PCDH15: variants seen among roughly 807,000 people sequenced by gnomAD.
PCDH15 encodes the protein protocadherin-15.
Under a neutral mutation model 178.5 loss-of-function variants are expected in PCDH15, and 129 were observed. That is an observed-to-expected ratio of 0.72 (90% CI 0.63 to 0.84). PCDH15 has a LOEUF of 0.84. PCDH15 is among the 40% of genes least tolerant of loss of function. The pLI, the probability that PCDH15 is intolerant of heterozygous loss-of-function variation, is 0.00. For missense variants in PCDH15, 2,230 were observed against 2,099.9 expected, an observed-to-expected ratio of 1.06 and a Z score of -1.21; for synonymous variants, 800 against 732.0, an observed-to-expected ratio of 1.09 and a Z score of -1.50.
chr10:54,028,309 G>C (rs2093178784), intron 18 of PCDH15, among the ~76,000 whole-genome samples: 1 of 149,644 alleles, frequency 6.7e-6, no homozygotes, highest in Admixed American at 6.7e-5. Flanking sequence ...AGAGGATGTG[G>C]AGAAATAGGA....
At chr10:55,203,379 C>A (rs1282030174) in intron 1 of PCDH15, among the ~76,000 whole-genome samples, 1 of 151,872 alleles carries the variant, frequency 6.6e-6, no homozygotes, top group African/African-American at 2.4e-5. Context: ...TCATATCTTA[C>A]ATATATATTT....
At chr10:54,393,489 G>A (rs975423665) in intron 3 of PCDH15, among the ~76,000 whole-genome samples, 5 of 152,102 alleles carry the variant, frequency 3.3e-5, no homozygotes, top group Admixed American at 1.3e-4. Context: ...ATGGAATATA[G>A]AACACAAGTA....
At chr10:53,922,754 A>G (rs560184044) in intron 25 of PCDH15, among the ~76,000 whole-genome samples, 9 of 152,246 alleles carry the variant, frequency 5.9e-5, no homozygotes, top group African/African-American at 2.2e-4. Context: ...GAACCACTAA[A>G]CTGGTTAAAG....
At chr10:54,000,270 G>A (rs763900318) in intron 20 of PCDH15, among the ~76,000 whole-genome samples, 6 of 152,074 alleles carry the variant, frequency 3.9e-5, no homozygotes, top group Non-Finnish European at 8.8e-5. Flanking sequence ...TAAATGCCCA[G>A]ACACAGACAA....
At chr10:54,796,571 C>T (rs1015217470) in intron 1 of PCDH15, among the ~76,000 whole-genome samples, 3 of 151,850 alleles carry the variant, frequency 2.0e-5, no homozygotes, top group South Asian at 2.1e-4. Context: ...CTGTCTCAAC[C>T]TATCTCCACT....
intron 1 of PCDH15, among the ~76,000 whole-genome samples, chr10:54,740,898 T>C (rs543874541): frequency 2.0e-5 from 3 of 151,804 alleles, no homozygotes; most frequent in East Asian, 1.9e-4. Flanking sequence ...TGAAGAAAGA[T>C]TGGTTAATGG....
At chr10:54,189,261 A>C (rs2048748729) in intron 11 of PCDH15, 1 of 814,882 alleles carries the variant, frequency 1.2e-6, no homozygotes, top group Non-Finnish European at 2.0e-6. Flanking sequence ...ATAAGGGATA[A>C]TGAAGTAATA....
intron 3 of PCDH15, among the ~76,000 whole-genome samples, chr10:54,878,291 C>A (rs1031270119): frequency 2.9e-4 from 44 of 152,138 alleles, no homozygotes; most frequent in African/African-American, 1.1e-3. Context: ...ATCTAGCAAT[C>A]AAGCAACTTT....
chr10:55,552,700 A>T (rs1476504862), intron 2 of PCDH15, among the ~76,000 whole-genome samples: 1 of 151,338 alleles, frequency 6.6e-6, no homozygotes, highest in Admixed American at 6.6e-5. Context: ...AGTGAATTCC[A>T]ATTCAAAATA....
chr10:55,558,765 T>G (rs1243413724), intron 2 of PCDH15, among the ~76,000 whole-genome samples: 1 of 152,094 alleles, frequency 6.6e-6, no homozygotes, highest in Admixed American at 6.6e-5. Flanking sequence ...TTCTCAGAAT[T>G]TCCCCCTCAC....
intron 1 of PCDH15, among the ~76,000 whole-genome samples, chr10:55,178,930 A>G (rs1238284108): frequency 3.3e-5 from 5 of 152,146 alleles, no homozygotes; most frequent in African/African-American, 2.4e-5. Context: ...AATTTCTTTC[A>G]CAAGGGTGAA....
At chr10:54,517,603 A>T (rs868204930) in intron 3 of PCDH15, among the ~76,000 whole-genome samples, 1,857 of 152,124 alleles carry the variant, frequency 0.012, 45 homozygotes, top group African/African-American at 0.042. Flanking sequence ...CTCCCACACA[A>T]TAATAATGGG....
chr10:54,361,273 G>A (rs1259324761), intron 5 of PCDH15, among the ~76,000 whole-genome samples: 2 of 152,038 alleles, frequency 1.3e-5, no homozygotes, highest in African/African-American at 4.8e-5. Flanking sequence ...AATTCGTGTT[G>A]TCCAAGGGTC....
chr10:54,504,543 G>C (rs1195607058), intron 3 of PCDH15, among the ~76,000 whole-genome samples: 1 of 152,064 alleles, frequency 6.6e-6, no homozygotes, highest in African/African-American at 2.4e-5. Flanking sequence ...CCTCTTGAAG[G>C]GTTGAAAATT....
intron 3 of PCDH15, among the ~76,000 whole-genome samples, chr10:54,459,207 CCT>C (rs1469986546): frequency 3.2e-4 from 48 of 151,866 alleles, no homozygotes; most frequent in African/African-American, 1.1e-3. Flanking sequence ...CACCTTGTAC[CCT>C]GAGTTGCCCA....
chr10:53,821,442 A>AACTT, intron 32 of PCDH15: 1 of 1,013,678 alleles, frequency 9.9e-7, no homozygotes, highest in South Asian at 3.9e-5. Context: ...TATCAGTTTT[A>AACTT]ACTTATTTGT....
chr10:54,045,755 C>T (rs1205306813), intron 18 of PCDH15, among the ~76,000 whole-genome samples: 1 of 152,014 alleles, frequency 6.6e-6, no homozygotes, highest in Non-Finnish European at 1.5e-5. Context: ...CTTTAAAAAG[C>T]AGGTCCTTCA....
intron 3 of PCDH15, among the ~76,000 whole-genome samples, chr10:54,817,757 T>C (rs1952972231): frequency 6.6e-6 from 1 of 152,082 alleles, no homozygotes; most frequent in Non-Finnish European, 1.5e-5. Context: ...ATTATTTCTT[T>C]TCATACATGT....
At chr10:54,655,756 T>G (rs2094392737) in intron 2 of PCDH15, 1 of 152,064 alleles carries the variant, frequency 6.6e-6, no homozygotes, top group African/African-American at 2.4e-5. Flanking sequence ...ACCAAATCCA[T>G]TTTGGAGACA....
Sources: allele counts gnomAD v4.1 joint callset (sites outside exome capture counted in the v4.1 genomes callset), GRCh38; gene constraint gnomAD v4.1.1; transcripts MANE v1.5; gene names NCBI Gene and HGNC (gene_info 2026-07-23, HGNC 2026-07-21).